GNB5: variants seen among roughly 807,000 people sequenced by gnomAD.
GNB5 encodes the protein G protein subunit beta 5, also known as guanine nucleotide-binding protein subunit beta-5.
Under a neutral mutation model 55.3 loss-of-function variants are expected in GNB5, and 37 were observed. The observed-to-expected ratio is 0.67, with a 90% CI of 0.51 to 0.88. GNB5 has a LOEUF of 0.88. Among genes scored for constraint, GNB5 ranks in the 40% least tolerant of loss-of-function variants. GNB5 has a pLI of 0.00. For missense variants in GNB5, 476 were observed against 515.3 expected (o/e 0.92, Z 0.74); for synonymous variants, 219 against 198.5 (o/e 1.10, Z -0.87).
chr15:52,141,316 C>T (rs1225200894), intron 6 of GNB5, 44 bp from the exon 7 acceptor site: 3 of 1,563,958 alleles, frequency 1.9e-6, no homozygotes, highest in Non-Finnish European at 2.6e-6. Flanking sequence ...TGCAGAGTCA[C>T]AGAATATGTG....
intron 2 of GNB5, among the ~76,000 whole-genome samples, chr15:52,182,407 G>A (rs1015836223): frequency 1.4e-4 from 22 of 152,324 alleles, no homozygotes; most frequent in South Asian, 4.1e-4. Context: ...CCTGAGGCAC[G>A]TGGTACTTCT....
chr15:52,122,575 T>G lies in GNB5; in HGVS notation c.*182A>C. On this transcript the variant is annotated 3_prime_UTR_variant, in exon 13 of 13. Coordinates refer to ENST00000261837, the MANE Select transcript of GNB5 (RefSeq NM_016194.4). The stretch of plus-strand genomic sequence containing the variant: ...TTCTCGCAGTGCTGAAGGCTCACAC[T>G]AGTGTATTTCCAGAGGTGACAGTTT... The G allele has an allele frequency of 1.6e-6, 1 of 617,400 alleles. No individual in the cohort carries two copies. Among genetic ancestry groups the G allele is most frequent in the Non-Finnish European group, 2.9e-6 (1 of 346,604 alleles). 38.2% of individuals were successfully genotyped at this position (617,400 alleles called of 1,614,324 possible). A position where few individuals can be genotyped will look rare whatever the true frequency, so the allele number is the denominator to read the frequency against.
At chr15:52,161,294 C>T (rs2034325854) in intron 3 of GNB5, among the ~76,000 whole-genome samples, 1 of 152,136 alleles carries the variant, frequency 6.6e-6, no homozygotes, top group South Asian at 2.1e-4. Context: ...ACTTTGGATC[C>T]TCCATGCCTC....
intron 9 of GNB5, chr15:52,128,892 G>A (rs1314263778): frequency 5.2e-6 from 2 of 384,586 alleles, no homozygotes; most frequent in Admixed American, 2.9e-5. Flanking sequence ...GAGAGCAAAT[G>A]TCTTTAAACC....
At chr15:52,146,886 T>A (rs954344146) in intron 6 of GNB5, among the ~76,000 whole-genome samples, 3 of 151,324 alleles carry the variant, frequency 2.0e-5, no homozygotes, top group African/African-American at 7.3e-5. Context: ...CCTGGTACTT[T>A]TTGCTTCATT....
intron 12 of GNB5, 54 bp downstream of exon 12, chr15:52,124,419 T>TC: frequency 1.4e-6 from 2 of 1,434,470 alleles, no homozygotes; most frequent in Non-Finnish European, 1.9e-6. Context: ...AGAAGGCCTG[T>TC]CACCAGTCCT....
intron 6 of GNB5, among the ~76,000 whole-genome samples, chr15:52,145,953 CTTTTTTTTT>C (rs937011704): frequency 1.6e-5 from 2 of 127,558 alleles, no homozygotes; most frequent in African/African-American, 6.0e-5. Flanking sequence ...TATAATATGA[CTTTTTTTTT>C]TTTTTTTTTT....
At chr15:52,131,100 A>T (rs1435977882) in intron 9 of GNB5, among the ~76,000 whole-genome samples, 1 of 152,270 alleles carries the variant, frequency 6.6e-6, no homozygotes, top group Non-Finnish European at 1.5e-5. Context: ...TGCTGGGATT[A>T]CAGGCGTGAG....
intron 3 of GNB5, among the ~76,000 whole-genome samples, chr15:52,165,196 G>C (rs1036142643): frequency 6.6e-6 from 1 of 152,116 alleles, no homozygotes; most frequent in Non-Finnish European, 1.5e-5. Flanking sequence ...AAAACCTCCA[G>C]TAAATATGGG....
intron 2 of GNB5, 38 bp from the exon 3 acceptor site, chr15:52,179,917 C>A (rs1764482703): frequency 2.7e-6 from 4 of 1,480,768 alleles, no homozygotes; most frequent in Non-Finnish European, 2.7e-6. Context: ...AAGCGGAGAG[C>A]GGGAATGCGC....
intron 7 of GNB5, chr15:52,137,013 A>G (rs1480261429): frequency 2.2e-6 from 1 of 454,052 alleles, no homozygotes; most frequent in Non-Finnish European, 4.4e-6. Flanking sequence ...AGACTCAAAG[A>G]CTGTTCGCTT....
At chr15:52,152,570 C>T (rs1445756890) in intron 4 of GNB5, among the ~76,000 whole-genome samples, 1 of 151,998 alleles carries the variant, frequency 6.6e-6, no homozygotes. Context: ...GGTGATCCAT[C>T]CGCCTCGGCC....
intron 6 of GNB5, among the ~76,000 whole-genome samples, chr15:52,146,736 ATT>A (rs60737688): frequency 0.16 from 17,497 of 111,128 alleles, 1,183 homozygotes; most frequent in Admixed American, 0.25. Flanking sequence ...AGCTAATTAG[ATT>A]TTTTTTTTTT....
intron 3 of GNB5, among the ~76,000 whole-genome samples, chr15:52,166,689 TAA>T (rs1422353414): frequency 2.0e-5 from 3 of 152,102 alleles, no homozygotes; most frequent in Admixed American, 6.6e-5. Context: ...AAAGCAGTGT[TAA>T]GAGGGAAATT....
rs533063651 is a variant in GNB5 at position 52,124,787 on chromosome 15, G to GA, written c.1010-149dup. The GA allele has an allele frequency of 6.0e-5, 39 of 655,110 alleles. 1 individual carries two copies. Among genetic ancestry groups the GA allele is most frequent in the Non-Finnish European group, 9.8e-5 (36 of 367,998 alleles). The allele number at this position is 655,110 out of a possible 1,614,324, so 40.6% of individuals were successfully genotyped here. ...CTTTGCCTCAAGGATTCAAAGGGGA[G>GA]AAAGCACAGTCCCTGTCCCTGTTGG... On this transcript the variant is annotated intron_variant, in intron 11 of 12. Coordinates refer to ENST00000261837, the MANE Select transcript of GNB5 (RefSeq NM_016194.4).
chr15:52,173,735 T>C (rs1334434924), intron 3 of GNB5, among the ~76,000 whole-genome samples: 1 of 152,184 alleles, frequency 6.6e-6, no homozygotes, highest in African/African-American at 2.4e-5. Context: ...TATTCAACAT[T>C]AGAGTAGCTA....
At chr15:52,126,940 G>A (rs2033446794) in intron 10 of GNB5, among the ~76,000 whole-genome samples, 1 of 152,148 alleles carries the variant, frequency 6.6e-6, no homozygotes, top group African/African-American at 2.4e-5. Context: ...GGGATTACAG[G>A]TGACCGCCAC....
chr15:52,180,083 G>C (rs1047503344), intron 2 of GNB5: 5 of 470,558 alleles, frequency 1.1e-5, no homozygotes, highest in African/African-American at 2.1e-5. Context: ...GCAGTGCCTG[G>C]TGCGATGTCC....
rs557670951 is a variant in GNB5 at position 52,135,163 on chromosome 15, G to A, written c.771+450C>T. 7.9e-5 allele frequency among the ~76,000 whole-genome samples: 12 copies of A among 152,120 alleles called. No homozygotes were observed. In the East Asian group the frequency reaches 1.9e-3, roughly 25 times the overall value. ...GGTAGGGTAGGAGAGTGCCCCACAG[G>A]CCTCAAAGTCCTGGTGGCATCACAG... On this transcript the variant is annotated intron_variant, in intron 8 of 12. Coordinates refer to ENST00000261837, the MANE Select transcript of GNB5 (RefSeq NM_016194.4).
Sources: gnomAD v4.1 joint callset for allele counts (sites outside exome capture counted in the v4.1 genomes callset) on GRCh38, gnomAD v4.1.1 for gene constraint, MANE v1.5 for transcripts, NCBI Gene and HGNC (gene_info 2026-07-23, HGNC 2026-07-21) for gene names.